The following CIMIP2A variants were observed in gnomAD, a reference collection of about 807,000 sequenced individuals.
CIMIP2A encodes the protein family with sequence similarity 166 member A.
the CIMIP2A span, chr9:137,245,863 G>A: frequency 6.0e-6 from 9 of 1,497,968 alleles, no homozygotes; most frequent in Admixed American, 1.4e-4. Flanking sequence ...GCTGTGGAGG[G>A]AAGAGAAGAA....
At chr9:137,243,703 TAGTG>T in the CIMIP2A span, 1 of 1,614,158 alleles carries the variant, frequency 6.2e-7, no homozygotes, top group African/African-American at 1.3e-5. Context: ...AGCATTTTCA[TAGTG>T]TGTGGTTTCG....
At chr9:137,245,688 C>G in the CIMIP2A span, 1 of 1,604,996 alleles carries the variant, frequency 6.2e-7, no homozygotes, top group South Asian at 1.1e-5. Flanking sequence ...AGGGAACCCT[C>G]GGGGGCTTGG....
chr9:137,251,773 C>G, the CIMIP2A span: 1 of 1,587,076 alleles, frequency 6.3e-7, no homozygotes. Flanking sequence ...GGCCCGGAGC[C>G]GGGGATGGCC....
chr9:137,253,323 C>T, the CIMIP2A span: 7 of 1,552,174 alleles, frequency 4.5e-6, no homozygotes, highest in East Asian at 2.4e-5. Flanking sequence ...CAGGCCTCCC[C>T]TGGGACTTGG....
the CIMIP2A span, among the ~76,000 whole-genome samples, chr9:137,246,491 C>T: frequency 1.9e-4 from 29 of 152,312 alleles, no homozygotes; most frequent in South Asian, 1.2e-3. Context: ...GGGCCGGGCG[C>T]GGTGGCTCAC....
At chr9:137,247,451 G>A in the CIMIP2A span, among the ~76,000 whole-genome samples, 138 of 152,356 alleles carry the variant, frequency 9.1e-4, no homozygotes, top group Non-Finnish European at 1.0e-3. Context: ...CAGGGAGGGT[G>A]AGGCCTGGGC....
the CIMIP2A span, chr9:137,252,801 G>C: frequency 6.4e-7 from 1 of 1,564,298 alleles, no homozygotes. Flanking sequence ...CTGGGCCTCA[G>C]GGTGCAGCCC....
At chr9:137,243,605 C>T in the CIMIP2A span, 1 of 1,613,010 alleles carries the variant, frequency 6.2e-7, no homozygotes, top group Non-Finnish European at 8.5e-7. Context: ...ACTCTTTATT[C>T]ACTCCCAGCC....
At chr9:137,247,540 T>C in the CIMIP2A span, 12 of 931,274 alleles carry the variant, frequency 1.3e-5, no homozygotes, top group Non-Finnish European at 2.0e-5. Flanking sequence ...TGGTGTGGCC[T>C]TCAGTTTCCT....
chr9:137,254,632 T>C, the CIMIP2A span, among the ~76,000 whole-genome samples: 1 of 152,238 alleles, frequency 6.6e-6, no homozygotes, highest in Admixed American at 6.5e-5. Flanking sequence ...AGAGAGGGTG[T>C]GTGTAGGGGG....
At chr9:137,253,767 G>A in the CIMIP2A span, among the ~76,000 whole-genome samples, 1 of 152,324 alleles carries the variant, frequency 6.6e-6, no homozygotes, top group East Asian at 1.9e-4. Context: ...AGGGAACTGG[G>A]AAGGAGGCGT....
chr9:137,249,059 T>C, the CIMIP2A span, among the ~76,000 whole-genome samples: 3 of 151,430 alleles, frequency 2.0e-5, no homozygotes, highest in Non-Finnish European at 4.4e-5. Context: ...GGTTTCACCA[T>C]GTTAGCCAGG....
the CIMIP2A span, chr9:137,252,297 G>A: frequency 9.1e-6 from 12 of 1,324,434 alleles, no homozygotes; most frequent in Non-Finnish European, 1.3e-5. Context: ...GGAGAGAGGA[G>A]GGCTAGGGCT....
chr9:137,243,794 G>C, the CIMIP2A span: 3 of 1,613,726 alleles, frequency 1.9e-6, no homozygotes, highest in Admixed American at 1.7e-5. Flanking sequence ...CATGGCTGCG[G>C]GGAGCCAGGC....
chr9:137,252,310 G>C, the CIMIP2A span: 1 of 1,319,606 alleles, frequency 7.6e-7, no homozygotes, highest in Admixed American at 2.0e-5. Context: ...CTAGGGCTGG[G>C]GCATGGGTGG....
chr9:137,244,163 C>CT, the CIMIP2A span: 1 of 1,613,664 alleles, frequency 6.2e-7, no homozygotes, highest in Non-Finnish European at 8.5e-7. Flanking sequence ...CCTGCCCACT[C>CT]TACTCACCGG....
the CIMIP2A span, chr9:137,245,846 C>G: frequency 1.3e-6 from 2 of 1,505,440 alleles, no homozygotes; most frequent in Non-Finnish European, 1.8e-6. Flanking sequence ...GGAAAGAAGC[C>G]GGCATAGCTG....
chr9:137,254,229 TC>T, the CIMIP2A span, among the ~76,000 whole-genome samples: 3 of 152,202 alleles, frequency 2.0e-5, no homozygotes, highest in African/African-American at 7.2e-5. Context: ...CAGAGAGGAA[TC>T]CCAGGCTCAG....
At chr9:137,251,084 C>A in the CIMIP2A span, 1 of 584,208 alleles carries the variant, frequency 1.7e-6, no homozygotes, top group Non-Finnish European at 3.1e-6. Flanking sequence ...CAGGAGTCAC[C>A]GGGGCAGGCT....
Sources: gnomAD v4.1 joint callset for allele counts (sites outside exome capture counted in the v4.1 genomes callset) on GRCh38, gnomAD v4.1.1 for gene constraint, MANE v1.5 for transcripts, NCBI Gene and HGNC (gene_info 2026-07-23, HGNC 2026-07-21) for gene names.